MAST4: variants seen among roughly 807,000 people sequenced by gnomAD.
MAST4 encodes microtubule associated serine/threonine kinase family member 4.
In MAST4, 89 loss-of-function variants were observed where a neutral mutation model predicts 162.7. The ratio of observed to expected loss-of-function variants is 0.55; its 90% confidence interval spans 0.46 to 0.65. MAST4 has a LOEUF of 0.65. Among genes scored for constraint, MAST4 ranks in the 30% least tolerant of loss-of-function variants. The pLI is 0.00. For synonymous variants in MAST4, 1,479 were observed against 1,361.1 expected, an observed-to-expected ratio of 1.09 and a Z score of -1.91; for missense variants, 3,153 against 3,374.0, an observed-to-expected ratio of 0.93 and a Z score of 1.62.
rs114487967 is a variant in MAST4, at chr5:66,645,557, G to A, written c.363+48539G>A. Among the ~76,000 whole-genome samples the A allele has an allele frequency of 6.9e-3, 1,052 of 152,236 alleles. 12 individuals carry two copies. Among genetic ancestry groups the A allele is most frequent in the African/African-American group, 0.024 (1,010 of 41,540 alleles). ...TTCATTTTTATTTTCAAGTACATAT[G>A]TTGACCATTCTCAACCAGTGGAACA... On this transcript the variant is annotated intron_variant, in intron 1 of 28. Coordinates refer to ENST00000403625, the MANE Select transcript of MAST4 (RefSeq NM_001164664.2).
At position 67,166,752 on chromosome 5, in the gene MAST4, C is replaced by A. The variant is rs3188125; in HGVS notation, c.7573C>A (p.Arg2525=). The change falls in exon 29 of 29, where the codon CGG becomes AGG. Residue 2525 remains arginine, a synonymous_variant. Coordinates refer to ENST00000403625, the MANE Select transcript of MAST4 (RefSeq NM_001164664.2). ...MTKSDSLPSF[R]VSTLPLESHH... ...AAAGAGTGACTCCCTGCCCTCCTTC[C>A]GGGTCTCCACCCTGCCTCTGGAGTC... is the stretch of plus-strand genomic sequence containing the variant. 1.3e-5 allele frequency: 20 copies of A among 1,595,062 alleles called. No individual in the cohort carries two copies. The highest frequency in any genetic ancestry group is 1.5e-5 in the Non-Finnish European group (18 of 1,171,388).
rs1388045860 is a variant in MAST4, at chr5:66,791,646, A to G, written c.642+2852A>G. The stretch of plus-strand genomic sequence containing the variant: ...TAGTACCTGGCATATAACAAGTCAC[A>G]AATGTTAGCAATATTATTATTTCTG... On this transcript the variant is annotated intron_variant, in intron 3 of 28. Transcript: ENST00000403625. Among the ~76,000 whole-genome samples the G allele has an allele frequency of 2.0e-5, 3 of 152,222 alleles. No homozygotes were observed. In the East Asian group the frequency reaches 5.8e-4, roughly 29 times the overall value.
At chr5:66,808,975 G>C (rs1756341857) in intron 3 of MAST4, among the ~76,000 whole-genome samples, 1 of 152,214 alleles carries the variant, frequency 6.6e-6, no homozygotes, top group Non-Finnish European at 1.5e-5. Context: ...TTCACTGGGA[G>C]CTGAAGAGGT....
chr5:66,712,767 A>G (rs1431324894), intron 1 of MAST4, among the ~76,000 whole-genome samples: 1 of 152,162 alleles, frequency 6.6e-6, no homozygotes, highest in Non-Finnish European at 1.5e-5. Context: ...AAATAAACCC[A>G]CTAGTATGTC....
rs1297125921 is a variant in MAST4, at chr5:67,165,849, G to A, written c.6670G>A (p.Gly2224Ser). The stretch of plus-strand genomic sequence containing the variant: ...GAAACCAAGTGTCGGGGCCACAAAG[G>A]GCAAAGAGCCTGCCACTCAGTCCCT... ...SQKPSVGATK[G>S]KEPATQSLGG... Residue 2224 changes from glycine to serine, a missense_variant, in exon 29 of 29, where the codon GGC becomes AGC. Transcript: ENST00000403625. The A allele has an allele frequency of 6.2e-7, 1 of 1,613,168 alleles. No individual in the cohort carries two copies.
intron 1 of MAST4, among the ~76,000 whole-genome samples, chr5:66,635,096 G>T (rs1214366858): frequency 6.6e-6 from 1 of 152,162 alleles, no homozygotes; most frequent in Non-Finnish European, 1.5e-5. Context: ...ATTCTTGTTA[G>T]CCTAGGTTAT....
At chr5:66,798,573 G>A (rs138152452) in intron 3 of MAST4, among the ~76,000 whole-genome samples, 4 of 152,220 alleles carry the variant, frequency 2.6e-5, no homozygotes, top group African/African-American at 4.8e-5. Context: ...TCTGGATGGC[G>A]TATGTTCTAG....
At chr5:67,137,933 G>A (rs551797931) in intron 19 of MAST4, among the ~76,000 whole-genome samples, 12 of 152,190 alleles carry the variant, frequency 7.9e-5, no homozygotes, top group Non-Finnish European at 1.5e-4. Context: ...ATCCAAGAAG[G>A]CTTAATATTA....
intron 5 of MAST4, among the ~76,000 whole-genome samples, chr5:67,081,634 G>A (rs1467735343): frequency 6.6e-6 from 1 of 152,034 alleles, no homozygotes; most frequent in East Asian, 1.9e-4. Context: ...ATTTAAATGG[G>A]GTGGGCCAAC....
At chr5:66,962,360 C>T (rs996274507) in intron 4 of MAST4, among the ~76,000 whole-genome samples, 1 of 152,222 alleles carries the variant, frequency 6.6e-6, no homozygotes, top group African/African-American at 2.4e-5. Flanking sequence ...GGAAAGCTCT[C>T]TTGAGCCCAG....
chr5:67,094,121 C>T (rs756598934), intron 6 of MAST4: 5 of 1,396,058 alleles, frequency 3.6e-6, no homozygotes, highest in Non-Finnish European at 4.9e-6. Context: ...TTTTTTTTAA[C>T]ATACTTGATT....
chr5:67,153,704 C>A, intron 26 of MAST4, 124 bp downstream of exon 26: 1 of 952,912 alleles, frequency 1.0e-6, no homozygotes, highest in Non-Finnish European at 1.5e-6. Context: ...TCATTAGTCT[C>A]AAGTTTAAAG....
chr5:66,810,399 C>A (rs1301435288), intron 3 of MAST4, among the ~76,000 whole-genome samples: 1 of 152,154 alleles, frequency 6.6e-6, no homozygotes, highest in African/African-American at 2.4e-5. Context: ...TTCCAAGGTC[C>A]CCCTGGGTGT....
chr5:66,732,918 A>G (rs1236174496), intron 1 of MAST4, among the ~76,000 whole-genome samples: 1 of 152,160 alleles, frequency 6.6e-6, no homozygotes, highest in Non-Finnish European at 1.5e-5. Context: ...TTTGGAAGAT[A>G]TGAGAATTAT....
intron 3 of MAST4, among the ~76,000 whole-genome samples, chr5:66,864,863 G>A (rs184918808): frequency 1.3e-5 from 2 of 152,298 alleles, no homozygotes; most frequent in Admixed American, 6.5e-5. Context: ...TTATGATACT[G>A]TGTTACAGCA....
intron 1 of MAST4, among the ~76,000 whole-genome samples, chr5:66,640,807 T>C (rs1745444543): frequency 6.6e-6 from 1 of 152,252 alleles, no homozygotes; most frequent in Non-Finnish European, 1.5e-5. Context: ...GGAACTCTCA[T>C]ACTGTTTTTC....
intron 1 of MAST4, among the ~76,000 whole-genome samples, chr5:66,616,543 T>C (rs1743698221): frequency 2.0e-5 from 3 of 152,150 alleles, no homozygotes; most frequent in Admixed American, 1.3e-4. Flanking sequence ...CTCAGAGTGC[T>C]GGTTTAGGAG....
At chr5:67,081,604 C>G (rs1762664195) in intron 5 of MAST4, among the ~76,000 whole-genome samples, 1 of 152,106 alleles carries the variant, frequency 6.6e-6, no homozygotes, top group Non-Finnish European at 1.5e-5. Context: ...TCAACCCTGG[C>G]TGCACATTAG....
intron 3 of MAST4, among the ~76,000 whole-genome samples, chr5:66,884,327 A>C (rs1761900952): frequency 6.6e-6 from 1 of 152,240 alleles, no homozygotes. Context: ...TATTGGATCC[A>C]GAACCTTTTA....
Sources: gnomAD v4.1 joint callset for allele counts (sites outside exome capture counted in the v4.1 genomes callset) on GRCh38, gnomAD v4.1.1 for gene constraint, MANE v1.5 for transcripts, NCBI Gene and HGNC (gene_info 2026-07-23, HGNC 2026-07-21) for gene names.